The following ARID2 variants were observed in gnomAD, a reference collection of about 807,000 sequenced individuals.
The protein encoded by ARID2 is AT-rich interaction domain 2, also known as AT-rich interactive domain-containing protein 2.
A neutral mutation model predicts 184.6 loss-of-function variants in ARID2; 32 were observed. The observed-to-expected ratio is 0.17, with a 90% CI of 0.13 to 0.23. The LOEUF (loss-of-function observed/expected upper bound fraction) is 0.23, where lower values mean the gene tolerates loss of function less well. Among genes scored for constraint, ARID2 ranks in the 10% least tolerant of loss-of-function variants. ARID2 has a pLI of 1.00. For missense variants in ARID2, 1,696 were observed against 2,197.6 expected (o/e 0.77, Z 4.56); for synonymous variants, 836 against 772.6 (o/e 1.08, Z -1.36).
intron 6 of ARID2, among the ~76,000 whole-genome samples, chr12:45,834,017 G>A (rs1473921805): frequency 6.6e-6 from 1 of 152,050 alleles, no homozygotes; most frequent in African/African-American, 2.4e-5. Flanking sequence ...GATATCTTGG[G>A]TTTCTCTTCC....
At position 45,852,635 on chromosome 12, in the gene ARID2, G is replaced by T. The variant is rs746999369; in HGVS notation, c.4512G>T (p.Arg1504=). Residue 1504 remains arginine (R), a synonymous_variant, in exon 15 of 21, where the codon CGG becomes CGT. Coordinates refer to ENST00000334344, the MANE Select transcript of ARID2 (RefSeq NM_152641.4). ...SHSPALSSDV[R]STNGTAECKT... is the part of the protein sequence containing the mutation. ...CTCCTGCCCTATCATCTGACGTTCGGTCTACAAATGGCACAGCAGAATGCA... is the reference window on the plus strand; with the variant it reads ...CTCCTGCCCTATCATCTGACGTTCGTTCTACAAATGGCACAGCAGAATGCA... 3.7e-6 allele frequency: 6 copies of T among 1,614,006 alleles called. No homozygotes were observed. The highest frequency in any genetic ancestry group is 4.2e-6 in the Non-Finnish European group (5 of 1,180,004).
chr12:45,806,652 ATC>A (rs1381776665), intron 3 of ARID2, among the ~76,000 whole-genome samples: 3 of 152,068 alleles, frequency 2.0e-5, no homozygotes, highest in Non-Finnish European at 2.9e-5. Flanking sequence ...GCTCTCTCAT[ATC>A]TCTCTGTTTT....
intron 3 of ARID2, among the ~76,000 whole-genome samples, chr12:45,780,773 C>T (rs1942074132): frequency 6.6e-6 from 1 of 152,030 alleles, no homozygotes; most frequent in African/African-American, 2.4e-5. Context: ...TGCCTGCCAC[C>T]ACGCCTGGCT....
rs768629455 is a variant in ARID2 at position 45,731,265 on chromosome 12, C to A, written c.235C>A (p.Pro79Thr). Reference protein sequence around the residue: ...WGEIVEEFNFPRSCSNAAFAL... With the variant: ...WGEIVEEFNFTRSCSNAAFAL... Reference sequence around the variant, plus strand: ...AGAAATTGTTGAAGAGTTCAACTTTCCCAGAAGTTGTTCTAACGCTGCCTT... The same window carrying A: ...AGAAATTGTTGAAGAGTTCAACTTTACCAGAAGTTGTTCTAACGCTGCCTT... The change falls in exon 3 of 21, where the codon CCC becomes ACC. Residue 79 changes from proline to threonine, a missense_variant. Physicochemically the swap from Pro to Thr is conservative, Grantham distance 38. This residue lies in a region of ARID2 where 148 missense variants were observed against 285.4 expected (regional missense o/e 0.52). Coordinates refer to ENST00000334344, the MANE Select transcript of ARID2 (RefSeq NM_152641.4). The A allele has an allele frequency of 6.2e-7, 1 of 1,614,018 alleles. No homozygotes were observed. The highest frequency in any genetic ancestry group is 1.1e-5 in the South Asian group (1 of 91,076).
chr12:45,821,408 T>C lies in ARID2; in HGVS notation c.638-12T>C. On this transcript the variant is annotated splice_polypyrimidine_tract_variant and intron_variant, in intron 5 of 20. Coordinates refer to ENST00000334344, the MANE Select transcript of ARID2 (RefSeq NM_152641.4). ...TTTTATTGAATGTACTATTTATTTA[T>C]TTGTTTTTTAGCTTTAGGATCCTTT... The C allele has an allele frequency of 2.0e-6, 3 of 1,473,032 alleles. No homozygotes were observed. Among genetic ancestry groups the C allele is most frequent in the Non-Finnish European group, 2.7e-6 (3 of 1,100,866 alleles). The allele number at this position is 1,473,032 out of a possible 1,614,324, so 91.2% of individuals were successfully genotyped here.
chr12:45,816,196 T>C (rs1231889051), intron 4 of ARID2, among the ~76,000 whole-genome samples: 1 of 152,228 alleles, frequency 6.6e-6, no homozygotes, highest in Non-Finnish European at 1.5e-5. Flanking sequence ...TTCAAAGTTT[T>C]GTAAATGTTT....
At chr12:45,803,644 ACTT>A (rs1169416823) in intron 3 of ARID2, among the ~76,000 whole-genome samples, 2 of 152,040 alleles carry the variant, frequency 1.3e-5, no homozygotes, top group African/African-American at 2.4e-5. Flanking sequence ...CTTTTGGCCT[ACTT>A]CTTTCATATC....
At chr12:45,873,173 T>C (rs991005781) in intron 16 of ARID2, among the ~76,000 whole-genome samples, 4 of 152,260 alleles carry the variant, frequency 2.6e-5, no homozygotes, top group Non-Finnish European at 5.9e-5. Context: ...AAGTCTGCTT[T>C]GTCTGAAATA....
At chr12:45,864,410 T>C (rs1052429996) in intron 16 of ARID2, among the ~76,000 whole-genome samples, 13 of 152,304 alleles carry the variant, frequency 8.5e-5, no homozygotes, top group Non-Finnish European at 1.6e-4. Context: ...AGAGTTTGAA[T>C]TGGAATGTAA....
intron 16 of ARID2, among the ~76,000 whole-genome samples, chr12:45,879,198 A>AT (rs1033650624): frequency 1.3e-5 from 2 of 151,708 alleles, no homozygotes; most frequent in Admixed American, 6.6e-5. Flanking sequence ...TTCAGCCTTT[A>AT]TTTTTTTTCT....
rs193065456 is a variant in ARID2 at position 45,838,802 on chromosome 12, T to C, written c.1331-527T>C. 6.6e-3 allele frequency among the ~76,000 whole-genome samples: 1,002 copies of C among 151,384 alleles called. 8 individuals are homozygous for C. Among genetic ancestry groups the C allele is most frequent in the Admixed American group, 0.012 (182 of 15,186 alleles). On this transcript the variant is annotated intron_variant, in intron 10 of 20. Coordinates refer to ENST00000334344, the MANE Select transcript of ARID2 (RefSeq NM_152641.4). The stretch of plus-strand genomic sequence containing the variant: ...ATAGATAGATAGATAGATATAGATA[T>C]AGATATCCAGCTCCCACTCCAGAGC...
intron 15 of ARID2, among the ~76,000 whole-genome samples, chr12:45,856,599 G>A (rs1483887136): frequency 6.6e-6 from 1 of 152,148 alleles, no homozygotes; most frequent in Non-Finnish European, 1.5e-5. Context: ...GCTGGAAAGA[G>A]CACAGGGAAG....
rs1442075216 is a variant in ARID2 at position 45,850,974 on chromosome 12, C to A, written c.2851C>A (p.Pro951Thr). 6.2e-7 allele frequency: 1 copy of A among 1,614,178 alleles called. No homozygotes were observed. The highest frequency in any genetic ancestry group is 1.7e-5 in the Admixed American group (1 of 60,020). The change falls in exon 15 of 21, where the codon CCA becomes ACA. Residue 951 changes from proline (P) to threonine (T), a missense_variant. This residue lies in a region of ARID2 where 713 missense variants were observed against 824.4 expected (regional missense o/e 0.86). Coordinates refer to ENST00000334344, the MANE Select transcript of ARID2 (RefSeq NM_152641.4). Reference protein sequence around the residue: ...PAIHQIVLANPAALPAGQTVQ... With the variant: ...PAIHQIVLANTAALPAGQTVQ... ...CATTCACCAAATTGTTCTTGCTAAT[C>A]CAGCAGCTCTTCCAGCTGGTCAGAC...
chr12:45,867,499 T>G (rs1592131311), intron 16 of ARID2, among the ~76,000 whole-genome samples: 1 of 149,622 alleles, frequency 6.7e-6, no homozygotes, highest in Non-Finnish European at 1.5e-5. Flanking sequence ...TCCCAGCACT[T>G]TGGGAGGCCG....
intron 2 of ARID2, among the ~76,000 whole-genome samples, chr12:45,730,642 C>T (rs908415716): frequency 6.6e-6 from 1 of 151,970 alleles, no homozygotes; most frequent in African/African-American, 2.4e-5. Context: ...TCCCGGCAGC[C>T]GGGGGCACAG....
intron 3 of ARID2, among the ~76,000 whole-genome samples, chr12:45,763,302 C>G (rs564659527): frequency 1.6e-4 from 25 of 152,072 alleles, no homozygotes; most frequent in African/African-American, 6.0e-4. Flanking sequence ...AACCCCGTCT[C>G]TACTAAAAAT....
chr12:45,793,722 A>T (rs1027433201), intron 3 of ARID2, among the ~76,000 whole-genome samples: 3 of 151,498 alleles, frequency 2.0e-5, no homozygotes, highest in African/African-American at 7.3e-5. Context: ...TCTCAGCAAG[A>T]TATTCTACAT....
Position 45,836,745 on chromosome 12 carries a change from T to C in ARID2, c.777T>C (p.Gly259=), listed in dbSNP as rs756321128. 2 of 1,612,316 alleles carry C rather than the reference T, an allele frequency of 1.2e-6. No individual in the cohort carries two copies. Among genetic ancestry groups the C allele is most frequent in the African/African-American group, 1.3e-5 (1 of 74,906 alleles). The change falls in exon 8 of 21, where the codon GGT becomes GGC. Residue 259 remains glycine, a synonymous_variant. Coordinates refer to ENST00000334344, the MANE Select transcript of ARID2 (RefSeq NM_152641.4). ...AATATGTATTTTCTATTGTAGAAGG[T>C]ACATCAGGAGAATGGATTTGGGAGT... The part of the protein sequence containing the change: ...LISDRNKSHE[G]TSGEWIWESL...
intron 16 of ARID2, among the ~76,000 whole-genome samples, chr12:45,867,630 C>T (rs1387387201): frequency 1.3e-5 from 2 of 151,570 alleles, no homozygotes; most frequent in East Asian, 2.0e-4. Context: ...GTAGTCCCAG[C>T]TACTCGGGAG....
Sources: allele counts gnomAD v4.1 joint callset (sites outside exome capture counted in the v4.1 genomes callset), GRCh38; gene constraint gnomAD v4.1.1; regional missense constraint gnomAD v4.1.1; transcripts MANE v1.5; gene names NCBI Gene and HGNC (gene_info 2026-07-23, HGNC 2026-07-21).